CFAP92: variants seen among roughly 807,000 people sequenced by gnomAD.
CFAP92 encodes the protein uncharacterized protein CFAP92.
Under a neutral mutation model 106.3 loss-of-function variants are expected in CFAP92, and 86 were observed. The ratio of observed to expected loss-of-function variants is 0.81; its 90% CI spans 0.68 to 0.97. CFAP92 has a LOEUF of 0.97. Among genes scored for constraint, CFAP92 ranks in the 50% least tolerant of loss-of-function variants. CFAP92 has a pLI of 0.00. For missense variants in CFAP92, 1,204 were observed against 1,283.8 expected (o/e 0.94, Z 0.95); for synonymous variants, 477 against 506.4 (o/e 0.94, Z 0.78).
chr3:128,940,649 T>C (rs1200914626), intron 10 of CFAP92, among the ~76,000 whole-genome samples: 2 of 152,236 alleles, frequency 1.3e-5, no homozygotes, highest in African/African-American at 4.8e-5. Context: ...TGAACACTTA[T>C]GTGTAGGTCT....
At chr3:129,021,088 C>T in the CFAP92 span, among the ~76,000 whole-genome samples, 1 of 152,162 alleles carries the variant, frequency 6.6e-6, no homozygotes, top group African/African-American at 2.4e-5. Context: ...GGGTGGTGCT[C>T]CTGACACATG....
chr3:128,937,395 G>A (rs948140572), intron 10 of CFAP92, among the ~76,000 whole-genome samples: 3 of 151,522 alleles, frequency 2.0e-5, no homozygotes, highest in Non-Finnish European at 2.9e-5. Context: ...GGCAGATCAC[G>A]AGGTCAGGAG....
intron 12 of CFAP92, among the ~76,000 whole-genome samples, chr3:128,932,490 G>GA (rs1360553363): frequency 6.6e-6 from 1 of 152,110 alleles, no homozygotes; most frequent in Non-Finnish European, 1.5e-5. Context: ...GAAGGACAAG[G>GA]TTATCTAGGA....
chr3:128,911,515 G>A (rs2107669002), intron 15 of CFAP92, among the ~76,000 whole-genome samples: 1 of 152,252 alleles, frequency 6.6e-6, no homozygotes, highest in East Asian at 1.9e-4. Context: ...TTGGCTCACT[G>A]CAACCTCCAC....
At chr3:128,942,112 T>C (rs768937801) in intron 10 of CFAP92, among the ~76,000 whole-genome samples, 3 of 152,190 alleles carry the variant, frequency 2.0e-5, no homozygotes, top group Non-Finnish European at 4.4e-5. Flanking sequence ...GTTCAGAAGG[T>C]TTCTGAGACC....
At chr3:128,922,242 C>T (rs1328600104) in intron 12 of CFAP92, among the ~76,000 whole-genome samples, 1 of 151,776 alleles carries the variant, frequency 6.6e-6, no homozygotes, top group Non-Finnish European at 1.5e-5. Context: ...CTCAGGGAGG[C>T]TGAGGCAGGA....
chr3:128,956,585 C>T (rs1941440795), intron 9 of CFAP92, among the ~76,000 whole-genome samples: 1 of 151,456 alleles, frequency 6.6e-6, no homozygotes, highest in South Asian at 2.1e-4. Flanking sequence ...ATAAATGCCA[C>T]CTTACTTATA....
upstream of CFAP92, among the ~76,000 whole-genome samples, chr3:129,003,155 G>C (rs546739129): frequency 6.6e-6 from 1 of 152,354 alleles, no homozygotes; most frequent in South Asian, 2.1e-4. Context: ...AAGTGGCAAG[G>C]TGTGGTTTTC....
intron 9 of CFAP92, 43 bp from the exon 10 acceptor site, chr3:128,946,018 A>C: frequency 7.4e-7 from 1 of 1,357,210 alleles, no homozygotes; most frequent in South Asian, 1.7e-5. Flanking sequence ...AGCCACAAGG[A>C]CAGTCACTCA....
chr3:128,930,043 A>G (rs979911216), intron 12 of CFAP92, among the ~76,000 whole-genome samples: 5 of 152,358 alleles, frequency 3.3e-5, no homozygotes, highest in African/African-American at 9.6e-5. Flanking sequence ...TAATAGGAAC[A>G]TGATTTTTTA....
intron 9 of CFAP92, among the ~76,000 whole-genome samples, chr3:128,956,223 A>T (rs570684523): frequency 0.03 from 2,982 of 99,700 alleles, 275 homozygotes; most frequent in African/African-American, 0.13. Context: ...AATAAAAAAA[A>T]AAAAAGAAAA....
At chr3:128,972,352 C>T (rs1233321431) in intron 7 of CFAP92, among the ~76,000 whole-genome samples, 1 of 151,856 alleles carries the variant, frequency 6.6e-6, no homozygotes, top group African/African-American at 2.4e-5. Context: ...AGTGATTCTC[C>T]TGCCTTAGAC....
At position 128,910,300 on chromosome 3, in the gene CFAP92, CAGG is replaced by C. The variant is rs1576353150; in HGVS notation, c.3311_3313del (p.Ser1104del). On this transcript the variant is annotated inframe_deletion, in exon 16 of 16. Coordinates refer to ENST00000645291, the MANE Select transcript of CFAP92 (RefSeq NM_001394090.1). ...TGGCCGTGGGAGGGTCTGTGCTGCT[CAGG>C]AGATGGGGCTGTTCCCTTTCTTCTT... 6.7e-7 allele frequency: 1 copy of C among 1,501,432 alleles called. No homozygotes were observed. Among genetic ancestry groups the C allele is most frequent in the African/African-American group, 1.4e-5 (1 of 72,616 alleles). 93.0% of individuals were successfully genotyped at this position (1,501,432 alleles called of 1,614,324 possible). A position where few individuals can be genotyped will look rare whatever the true frequency, so the allele number is the denominator to read the frequency against.
chr3:129,003,981 G>T (rs1441698910), upstream of CFAP92: 22 of 1,496,722 alleles, frequency 1.5e-5, 1 homozygote, highest in East Asian at 6.2e-4. Flanking sequence ...GTGCTGCGCA[G>T]CCTGCACCGC....
chr3:128,975,751 A>T lies in CFAP92; in HGVS notation c.1021+28T>A, dbSNP rs1943112963. 2.0e-6 allele frequency: 3 copies of T among 1,512,002 alleles called. 1 individual carries two copies. In the South Asian group the frequency reaches 3.7e-5, roughly 19 times the overall value. The allele number at this position is 1,512,002 out of a possible 1,614,324, so 93.7% of individuals were successfully genotyped here. A position where few individuals can be genotyped will look rare whatever the true frequency, so the allele number is the denominator to read the frequency against. On this transcript the variant is annotated intron_variant, in intron 7 of 15. Coordinates refer to ENST00000645291, the MANE Select transcript of CFAP92 (RefSeq NM_001394090.1). ...ATTATTCCAAGTCTAGTTATATTAT[A>T]AAATTCCCAAATCCTATCCTAACTT... is the stretch of plus-strand genomic sequence containing the variant.
chr3:128,945,573 T>C lies in CFAP92; in HGVS notation c.1756A>G (p.Ile586Val), dbSNP rs541550926. The change falls in exon 10 of 16, where the codon ATC (isoleucine) becomes GTC (valine). Residue 586 changes from isoleucine to valine, a missense_variant. By Grantham distance (29) the Ile-to-Val change is conservative. Coordinates refer to ENST00000645291, the MANE Select transcript of CFAP92 (RefSeq NM_001394090.1). ...GTGGGCTGAACCTCACAGCTGTGGA[T>C]GGGGACGGCCAGATTCAAGTACTTG... ...GHKYLNLAVP[I>V]HSCEVQPTHC... 3.3e-6 allele frequency: 5 copies of C among 1,536,116 alleles called. No homozygotes were observed. In the African/African-American group the frequency reaches 4.1e-5, roughly 13 times the overall value.
Position 128,932,737 on chromosome 3 carries a change from A to T in CFAP92, c.2714T>A (p.Leu905His), listed in dbSNP as rs144107566. The change falls in exon 12 of 16, where the codon CTT (leucine) becomes CAT (histidine). Residue 905 changes from leucine to histidine, a missense_variant. Transcript: ENST00000645291. ...GTGCTTTTTGTCTTTGTTCTTCATAAGCATGGCACTCCGCCACTGCAGGTA... is the reference window on the plus strand; with the variant it reads ...GTGCTTTTTGTCTTTGTTCTTCATATGCATGGCACTCCGCCACTGCAGGTA... The part of the protein sequence containing the change: ...EKYLQWRSAM[L>H]MKNKDKKHSF... 4.2e-4 allele frequency: 641 copies of T among 1,534,914 alleles called. 1 individual carries two copies. The African/African-American group carries it at 7.7e-3, about 18-fold the overall frequency.
At chr3:128,998,579 T>C (rs1055293052), upstream of CFAP92, among the ~76,000 whole-genome samples, 13 of 152,312 alleles carry the variant, frequency 8.5e-5, no homozygotes, top group Admixed American at 7.8e-4. Flanking sequence ...ATATGTATAC[T>C]CCTTGGCCCA....
Position 128,993,313 on chromosome 3 carries a change from G to A in CFAP92, c.-9C>T. 6.2e-7 allele frequency: 1 copy of A among 1,609,746 alleles called. No homozygotes were observed. The highest frequency in any genetic ancestry group is 2.2e-5 in the East Asian group (1 of 44,728). ...CAGGCATGTAGCGACATGCTGCAGAGCGCACTGCTGGCCGCCGGCGCTCCT... is the reference window on the plus strand; with the variant it reads ...CAGGCATGTAGCGACATGCTGCAGAACGCACTGCTGGCCGCCGGCGCTCCT... On this transcript the variant is annotated 5_prime_UTR_variant, in exon 2 of 16. Coordinates refer to ENST00000645291, the MANE Select transcript of CFAP92 (RefSeq NM_001394090.1).
Sources: gnomAD v4.1 joint callset for allele counts (sites outside exome capture counted in the v4.1 genomes callset) on GRCh38, gnomAD v4.1.1 for gene constraint, MANE v1.5 for transcripts, NCBI Gene and HGNC (gene_info 2026-07-23, HGNC 2026-07-21) for gene names.